TXLNB: variants seen among roughly 807,000 people sequenced by gnomAD.
The protein encoded by TXLNB is beta-taxilin.
Under a neutral mutation model 57.4 loss-of-function variants are expected in TXLNB, and 37 were observed. That is an observed-to-expected ratio of 0.64 (90% CI 0.50 to 0.85). The LOEUF (loss-of-function observed/expected upper bound fraction) is 0.85, where lower values mean the gene tolerates loss of function less well. Among genes scored for constraint, TXLNB ranks in the 40% least tolerant of loss-of-function variants. The pLI, the probability that TXLNB is intolerant of heterozygous loss-of-function variation, is 0.00. For synonymous variants in TXLNB, 302 were observed against 309.6 expected (o/e 0.98, Z 0.26); for missense variants, 848 against 825.6 (o/e 1.03, Z -0.33).
At chr6:139,218,276 AC>A in the TXLNB span, among the ~76,000 whole-genome samples, 2 of 152,328 alleles carry the variant, frequency 1.3e-5, no homozygotes, top group South Asian at 4.1e-4. Context: ...GTTATTAGAC[AC>A]CAAAAACATA....
At chr6:139,300,141 A>G in the TXLNB span, among the ~76,000 whole-genome samples, 2 of 152,138 alleles carry the variant, frequency 1.3e-5, no homozygotes, top group Non-Finnish European at 2.9e-5. Flanking sequence ...GGAAGGGTCT[A>G]AGGTTGAACT....
At chr6:139,298,438 T>A in the TXLNB span, among the ~76,000 whole-genome samples, 1 of 152,198 alleles carries the variant, frequency 6.6e-6, no homozygotes, top group Non-Finnish European at 1.5e-5. Context: ...ATGTCAATAT[T>A]TGCTTCAAGG....
the TXLNB span, among the ~76,000 whole-genome samples, chr6:139,298,518 T>C: frequency 6.6e-6 from 1 of 152,194 alleles, no homozygotes; most frequent in South Asian, 2.1e-4. Context: ...CTCTTCCTTA[T>C]CCCATTGCTG....
At chr6:139,222,373 T>A in the TXLNB span, among the ~76,000 whole-genome samples, 2 of 152,218 alleles carry the variant, frequency 1.3e-5, no homozygotes, top group Non-Finnish European at 2.9e-5. Flanking sequence ...AAGTGGATTT[T>A]AAGGCAATAA....
the TXLNB span, chr6:139,201,820 C>T: frequency 6.6e-6 from 1 of 152,192 alleles, no homozygotes; most frequent in African/African-American, 2.4e-5. Context: ...GAAAGCATTA[C>T]CCTGCTCACA....
intron 2 of TXLNB, among the ~76,000 whole-genome samples, chr6:139,284,257 C>A (rs540116389): frequency 6.9e-6 from 1 of 145,092 alleles, no homozygotes; most frequent in Non-Finnish European, 1.5e-5. Context: ...GGGCCGGGTG[C>A]GGTGGCTCAC....
At chr6:139,252,774 G>A (rs181086395) in intron 7 of TXLNB, among the ~76,000 whole-genome samples, 118 of 152,296 alleles carry the variant, frequency 7.7e-4, no homozygotes, top group African/African-American at 2.2e-3. Context: ...GGCTGATCAC[G>A]AGGCCAGGAG....
downstream of TXLNB, among the ~76,000 whole-genome samples, chr6:139,235,643 G>C (rs1775827962): frequency 1.3e-5 from 2 of 152,052 alleles, no homozygotes. Flanking sequence ...ATATGGGATG[G>C]GGGCAGGGAA....
At chr6:139,236,386 G>A (rs1775836438), downstream of TXLNB, among the ~76,000 whole-genome samples, 1 of 152,106 alleles carries the variant, frequency 6.6e-6, no homozygotes, top group Non-Finnish European at 1.5e-5. Context: ...TGAGCAGTAG[G>A]GCACCAAAGA....
At chr6:139,187,439 T>C in the TXLNB span, among the ~76,000 whole-genome samples, 6 of 152,230 alleles carry the variant, frequency 3.9e-5, no homozygotes, top group African/African-American at 7.2e-5. Context: ...TGCTTTTTTT[T>C]CCCCATGTTT....
intron 4 of TXLNB, among the ~76,000 whole-genome samples, chr6:139,265,426 A>ATG (rs533300015): frequency 0.04 from 6,059 of 150,140 alleles, 374 homozygotes; most frequent in African/African-American, 0.14. Context: ...GTGAGGTTGT[A>ATG]TGTGTGTGTG....
At chr6:139,165,584 C>CTTT in the TXLNB span, among the ~76,000 whole-genome samples, 3 of 138,248 alleles carry the variant, frequency 2.2e-5, no homozygotes, top group Admixed American at 2.2e-4. Flanking sequence ...GTGGCAACCA[C>CTTT]TTTTTTTTTT....
chr6:139,216,317 C>T, the TXLNB span, among the ~76,000 whole-genome samples: 3 of 151,380 alleles, frequency 2.0e-5, no homozygotes, highest in Non-Finnish European at 4.4e-5. Context: ...AGTTCATGTC[C>T]TTTGTAGGGA....
chr6:139,303,705 T>C, the TXLNB span, among the ~76,000 whole-genome samples: 1 of 151,556 alleles, frequency 6.6e-6, no homozygotes, highest in African/African-American at 2.4e-5. Flanking sequence ...ATTATAGAAT[T>C]CCTAAATTAA....
the TXLNB span, among the ~76,000 whole-genome samples, chr6:139,301,303 C>T: frequency 6.6e-6 from 1 of 152,102 alleles, no homozygotes; most frequent in Non-Finnish European, 1.5e-5. Flanking sequence ...GGGAAATTTT[C>T]TTGGGTATCT....
At chr6:139,243,359 CATG>C in intron 9 of TXLNB, 45 bp from the exon 10 acceptor site, 1 of 1,535,086 alleles carries the variant, frequency 6.5e-7, no homozygotes, top group Non-Finnish European at 8.8e-7. Flanking sequence ...GATGAAATGA[CATG>C]ATAAGCAAAA....
At chr6:139,173,903 TGTG>T in the TXLNB span, among the ~76,000 whole-genome samples, 1 of 152,218 alleles carries the variant, frequency 6.6e-6, no homozygotes, top group African/African-American at 2.4e-5. Flanking sequence ...TAATTTTGGT[TGTG>T]GTGTAATTCT....
the TXLNB span, among the ~76,000 whole-genome samples, chr6:139,176,247 G>A: frequency 6.6e-6 from 1 of 152,204 alleles, no homozygotes; most frequent in Non-Finnish European, 1.5e-5. The surrounding 1 kb of genome is among the most constrained non-coding windows in gnomAD (Gnocchi z 4.5). Flanking sequence ...ATGTGCCTCA[G>A]TTGCATTATC....
At chr6:139,294,002 T>C (rs1475682865), upstream of TXLNB, among the ~76,000 whole-genome samples, 2 of 152,138 alleles carry the variant, frequency 1.3e-5, no homozygotes, top group Non-Finnish European at 2.9e-5. Context: ...ATGTATAGAC[T>C]CACTTAACAG....
Sources: gnomAD v4.1 joint callset for allele counts (sites outside exome capture counted in the v4.1 genomes callset) on GRCh38, gnomAD v4.1.1 for gene constraint, Gnocchi (gnomAD v3.1) non-coding constraint, MANE v1.5 for transcripts, NCBI Gene and HGNC (gene_info 2026-07-23, HGNC 2026-07-21) for gene names.